The following MRPL1 variants were observed in gnomAD, a reference collection of about 807,000 sequenced individuals.
MRPL1 encodes the protein mitochondrial ribosomal protein L1.
MRPL1 carries 28 observed loss-of-function variants against 38.0 expected under a neutral mutation model. The ratio of observed to expected loss-of-function variants is 0.74; its 90% CI spans 0.55 to 1.01. The LOEUF (loss-of-function observed/expected upper bound fraction) is 1.01, where lower values mean the gene tolerates loss of function less well. Ranked by LOEUF, MRPL1 falls within the 50% of genes least tolerant of loss-of-function variation. The pLI, the probability that MRPL1 is intolerant of heterozygous loss-of-function variation, is 0.00. For missense variants in MRPL1, 358 were observed against 389.8 expected (o/e 0.92, Z 0.69); for synonymous variants, 123 against 126.7 (o/e 0.97, Z 0.20).
chr4:77,889,111 C>T (rs1014924140), intron 5 of MRPL1, among the ~76,000 whole-genome samples: 2 of 152,202 alleles, frequency 1.3e-5, no homozygotes, highest in African/African-American at 2.4e-5. Flanking sequence ...GAATTGAACT[C>T]AGCTCTGCAC....
At chr4:77,896,344 T>C (rs1241891980) in intron 6 of MRPL1, among the ~76,000 whole-genome samples, 1 of 152,156 alleles carries the variant, frequency 6.6e-6, no homozygotes, top group Non-Finnish European at 1.5e-5. Flanking sequence ...GTCAAGTACC[T>C]AAGTATGTTT....
At chr4:77,931,778 G>A (rs957778070) in intron 7 of MRPL1, among the ~76,000 whole-genome samples, 1 of 152,150 alleles carries the variant, frequency 6.6e-6, no homozygotes, top group African/African-American at 2.4e-5. Flanking sequence ...TTCTGAATGT[G>A]AGTCTGCGCA....
chr4:77,947,403 C>A (rs1279705346), intron 7 of MRPL1, among the ~76,000 whole-genome samples: 1 of 152,162 alleles, frequency 6.6e-6, no homozygotes, highest in Non-Finnish European at 1.5e-5. Context: ...TGCACAGGCA[C>A]AAATATGGTG....
intron 4 of MRPL1, 28 bp downstream of exon 4, chr4:77,885,367 T>G: frequency 2.6e-6 from 4 of 1,558,880 alleles, no homozygotes; most frequent in Non-Finnish European, 3.5e-6. Context: ...ACTATTTATA[T>G]CATTTAATTT....
chr4:77,919,256 T>C (rs1736507169), intron 7 of MRPL1, among the ~76,000 whole-genome samples: 1 of 152,166 alleles, frequency 6.6e-6, no homozygotes, highest in Admixed American at 6.5e-5. Context: ...TTTTCACTGT[T>C]AGATTTCTTG....
At chr4:77,915,439 T>C (rs1194042428) in intron 7 of MRPL1, among the ~76,000 whole-genome samples, 1 of 152,184 alleles carries the variant, frequency 6.6e-6, no homozygotes, top group Non-Finnish European at 1.5e-5. Flanking sequence ...TTTGCTTGTT[T>C]TTTAGATAGG....
chr4:77,917,097 G>A (rs1338278814), intron 7 of MRPL1, among the ~76,000 whole-genome samples: 1 of 152,126 alleles, frequency 6.6e-6, no homozygotes, highest in Admixed American at 6.5e-5. Context: ...TGGTTACAGT[G>A]TTATTCTCTT....
intron 7 of MRPL1, among the ~76,000 whole-genome samples, chr4:77,918,113 G>A (rs1736466050): frequency 6.6e-6 from 1 of 151,444 alleles, no homozygotes; most frequent in Non-Finnish European, 1.5e-5. Flanking sequence ...TTACAGAAAA[G>A]TAGCAATGAT....
chr4:77,906,624 C>T (rs1345970835), intron 6 of MRPL1, among the ~76,000 whole-genome samples: 2 of 152,058 alleles, frequency 1.3e-5, no homozygotes, highest in Non-Finnish European at 2.9e-5. Flanking sequence ...ACAGTTCACC[C>T]ATAGTGACAG....
chr4:77,932,884 TGTAGG>T (rs1337788780), intron 7 of MRPL1, among the ~76,000 whole-genome samples: 1 of 151,398 alleles, frequency 6.6e-6, no homozygotes, highest in Non-Finnish European at 1.5e-5. Context: ...GGACCACTTG[TGTAGG>T]GTAAGGCACA....
At chr4:77,934,686 C>T in intron 7 of MRPL1, among the ~76,000 whole-genome samples, 1 of 152,132 alleles carries the variant, frequency 6.6e-6, no homozygotes, top group East Asian at 1.9e-4. Context: ...CTTCTAGATA[C>T]ATACTGAAAA....
chr4:77,883,208 A>G (rs759650633), intron 2 of MRPL1, 34 bp from the exon 3 acceptor site: 6 of 1,354,832 alleles, frequency 4.4e-6, no homozygotes, highest in East Asian at 4.9e-5. Flanking sequence ...CTTAGGATAT[A>G]TATTGATATA....
At chr4:77,914,961 A>G (rs550447637) in intron 7 of MRPL1, among the ~76,000 whole-genome samples, 42 of 152,320 alleles carry the variant, frequency 2.8e-4, no homozygotes, top group Middle Eastern at 3.4e-3. Flanking sequence ...TAAAGGTTGT[A>G]AAAAATAAAG....
intron 8 of MRPL1, 36 bp from the exon 9 acceptor site, chr4:77,952,453 A>G (rs1473873364): frequency 6.9e-7 from 1 of 1,451,510 alleles, no homozygotes; most frequent in Admixed American, 1.7e-5. Flanking sequence ...GTATTGCGAT[A>G]TAAAAATCAA....
chr4:77,935,230 T>G lies in MRPL1; in HGVS notation c.778-14567T>G, dbSNP rs544627024. Among the ~76,000 whole-genome samples, 5 of 152,268 alleles carry G rather than the reference T, an allele frequency of 3.3e-5. No individual in the cohort carries two copies. The South Asian group carries it at 1.0e-3, about 32-fold the overall frequency. On this transcript the variant is annotated intron_variant, in intron 7 of 8. Transcript: ENST00000315567. Reference sequence around the variant, plus strand: ...CATTACCTGAATGTATGCATGAGTTTCAAAAGATACACCCCCCAAAATGTT... The same window carrying G: ...CATTACCTGAATGTATGCATGAGTTGCAAAAGATACACCCCCCAAAATGTT...
At chr4:77,929,661 G>T (rs1372876174) in intron 7 of MRPL1, among the ~76,000 whole-genome samples, 1 of 151,952 alleles carries the variant, frequency 6.6e-6, no homozygotes, top group Non-Finnish European at 1.5e-5. Flanking sequence ...GAATTTTCAT[G>T]TATTTGTAGA....
At chr4:77,872,817 C>T (rs1578037619) in intron 2 of MRPL1, among the ~76,000 whole-genome samples, 2 of 152,064 alleles carry the variant, frequency 1.3e-5, no homozygotes, top group Non-Finnish European at 1.5e-5. Context: ...AAGCCGAGAT[C>T]GCACCACTGT....
At chr4:77,875,364 G>T (rs1199496305) in intron 2 of MRPL1, among the ~76,000 whole-genome samples, 1 of 152,018 alleles carries the variant, frequency 6.6e-6, no homozygotes, top group African/African-American at 2.4e-5. Context: ...TTGAAAGATA[G>T]AATTTTGCAG....
chr4:77,865,553 A>G (rs1735108631), intron 1 of MRPL1, among the ~76,000 whole-genome samples: 1 of 150,634 alleles, frequency 6.6e-6, no homozygotes, highest in Admixed American at 6.6e-5. Context: ...TTTGGTAGAG[A>G]TGAGATCTCA....
Sources: allele counts gnomAD v4.1 joint callset (sites outside exome capture counted in the v4.1 genomes callset), GRCh38; gene constraint gnomAD v4.1.1; transcripts MANE v1.5; gene names NCBI Gene and HGNC (gene_info 2026-07-23, HGNC 2026-07-21).